The following CPAMD8 variants were observed in gnomAD, a reference collection of about 807,000 sequenced individuals.
CPAMD8 encodes the protein C3 and PZP-like alpha-2-macroglobulin domain-containing protein 8.
A neutral mutation model predicts 224.7 loss-of-function variants in CPAMD8; 146 were observed. The observed-to-expected ratio is 0.65, with a 90% CI of 0.57 to 0.75. The LOEUF is 0.75. Among genes scored for constraint, CPAMD8 ranks in the 30% least tolerant of loss-of-function variants. The pLI is 0.00. For synonymous variants in CPAMD8, 966 were observed against 1,044.6 expected, an observed-to-expected ratio of 0.92 and a Z score of 1.45; for missense variants, 2,301 against 2,537.5, an observed-to-expected ratio of 0.91 and a Z score of 2.00.
chr19:16,904,242 C>T lies in CPAMD8; in HGVS notation c.4235G>A (p.Gly1412Asp). ...WLSQQRNALG[G>D]FSSTQDTCVA... The stretch of plus-strand genomic sequence containing the variant: ...CCGGCTCGCCTGAGTGGAGGAGAAG[C>T]CCCCAAGTGCATTTCGCTGCTGGGA... Residue 1412 changes from glycine to aspartate, a missense_variant, in exon 32 of 42, where the codon GGC (glycine) becomes GAC (aspartate). This residue lies in a region of CPAMD8 where 1,709 missense variants were observed against 1,753.2 expected (regional missense o/e 0.97). Transcript: ENST00000443236. 6.7e-7 allele frequency: 1 copy of T among 1,500,444 alleles called. No homozygotes were observed. The highest frequency in any genetic ancestry group is 9.0e-7 in the Non-Finnish European group (1 of 1,108,478). The allele number at this position is 1,500,444 out of a possible 1,614,324, so 92.9% of individuals were successfully genotyped here. A position where few individuals can be genotyped will look rare whatever the true frequency, so the allele number is the denominator to read the frequency against.
chr19:16,943,622 C>T (rs79118495), intron 22 of CPAMD8, among the ~76,000 whole-genome samples: 2 of 152,170 alleles, frequency 1.3e-5, no homozygotes. Flanking sequence ...AATTGCATTT[C>T]ATTGACCCAC....
chr19:16,971,201 G>GT (rs2055051643), intron 17 of CPAMD8, 168 bp from the exon 18 acceptor site: 3 of 598,148 alleles, frequency 5.0e-6, no homozygotes, highest in Non-Finnish European at 8.4e-6. Flanking sequence ...GTTTTGTTTT[G>GT]TTTGTTTGTT....
intron 19 of CPAMD8, among the ~76,000 whole-genome samples, chr19:16,956,220 T>A (rs1473808045): frequency 3.3e-5 from 5 of 152,128 alleles, no homozygotes; most frequent in African/African-American, 1.2e-4. Flanking sequence ...TTCCATCTCA[T>A]TTCAACCATG....
chr19:17,008,240 C>T (rs961448384), intron 7 of CPAMD8, among the ~76,000 whole-genome samples: 1 of 152,146 alleles, frequency 6.6e-6, no homozygotes, highest in Non-Finnish European at 1.5e-5. Context: ...AGCAGGAGCC[C>T]CGCCTGAGTC....
At chr19:17,018,721 CA>C (rs2056875957) in intron 3 of CPAMD8, among the ~76,000 whole-genome samples, 2 of 95,978 alleles carry the variant, frequency 2.1e-5, no homozygotes, top group African/African-American at 3.4e-5. Context: ...TAAAAATACA[CA>C]CACACACACA....
chr19:17,012,546 A>T (rs1455822888), intron 3 of CPAMD8, among the ~76,000 whole-genome samples: 1 of 148,814 alleles, frequency 6.7e-6, no homozygotes, highest in Non-Finnish European at 1.5e-5. Flanking sequence ...ACAAGGTCTC[A>T]CTCTATTGCC....
intron 22 of CPAMD8, among the ~76,000 whole-genome samples, chr19:16,940,240 C>T (rs2053841975): frequency 6.6e-6 from 1 of 152,188 alleles, no homozygotes; most frequent in African/African-American, 2.4e-5. Context: ...CAGAGGGCAG[C>T]TTGTAAACTT....
intron 22 of CPAMD8, among the ~76,000 whole-genome samples, chr19:16,941,735 G>T (rs2053897632): frequency 6.6e-6 from 1 of 152,204 alleles, no homozygotes. Flanking sequence ...AGCACTTTGG[G>T]AGGCCGAGGT....
At chr19:17,022,271 G>T in intron 1 of CPAMD8, 90 bp from the exon 2 acceptor site, 1 of 1,443,570 alleles carries the variant, frequency 6.9e-7, no homozygotes, top group Non-Finnish European at 9.4e-7. Flanking sequence ...CCTCGCAGCA[G>T]ACTCCTGCCT....
At chr19:16,948,196 C>T (rs1459400378) in intron 20 of CPAMD8, among the ~76,000 whole-genome samples, 1 of 152,108 alleles carries the variant, frequency 6.6e-6, no homozygotes, top group East Asian at 1.9e-4. Context: ...TACTGGGTGC[C>T]CCGCTAGGAA....
At position 16,899,988 on chromosome 19, in the gene CPAMD8, C is replaced by T. The variant is rs1255497552; in HGVS notation, c.4774-439G>A. 6.6e-6 allele frequency among the ~76,000 whole-genome samples: 1 copy of T among 151,966 alleles called. No homozygotes were observed. Among genetic ancestry groups the T allele is most frequent in the Non-Finnish European group, 1.5e-5 (1 of 67,984 alleles). On this transcript the variant is annotated intron_variant, in intron 36 of 41. Coordinates refer to ENST00000443236, the MANE Select transcript of CPAMD8 (RefSeq NM_015692.5). This position sits in a 1 kb window ranked among gnomAD's most constrained non-coding sequence, Gnocchi z 5.4. ...ACCACATCCTCATCCCCTGGTGCTC[C>T]GTGCAGCCTCCTTGGAGGGGAGGTG...
chr19:16,990,863 C>CAAAAAAAAAAAAAAAAAAAAAA lies in CPAMD8; in HGVS notation c.1267-1114_1267-1093dup, dbSNP rs3067791. Reference sequence around the variant, plus strand: ...GGGCAATAAGAGCAAAACTCTGTCTCAAAAAAAAAAAAAAAAAAAAAAAAA... The same window carrying CAAAAAAAAAAAAAAAAAAAAAA: ...GGGCAATAAGAGCAAAACTCTGTCTCAAAAAAAAAAAAAAAAAAAAAAAAAAAAAAAAAAAAAAAAAAAAAAA... On this transcript the variant is annotated intron_variant, in intron 12 of 41. Transcript: ENST00000443236. 1.2e-4 allele frequency among the ~76,000 whole-genome samples: 9 copies of CAAAAAAAAAAAAAAAAAAAAAA among 73,140 alleles called. 1 individual carries two copies. The highest frequency in any genetic ancestry group is 3.6e-4 in the African/African-American group (6 of 16,598). 48.0% of individuals were successfully genotyped at this position (73,140 alleles called of 152,430 possible).
chr19:16,893,317 G>C lies in CPAMD8; in HGVS notation c.5449C>G (p.Pro1817Ala), dbSNP rs1368375860. Residue 1817 changes from proline (P) to alanine (A), a missense_variant, in exon 42 of 42, where the codon CCT becomes GCT. Around this residue, in one of 4 missense-constraint regions of CPAMD8, gnomAD observed 1,709 missense variants for 1,753.2 expected, o/e 0.97. Coordinates refer to ENST00000443236, the MANE Select transcript of CPAMD8 (RefSeq NM_015692.5). ...EDRVTAGPRP[P>A]VSSGNLESST... is the part of the protein sequence containing the mutation. ...CTTTCCAGGTTCCCGCTGCTCACAG[G>C]AGGCCGAGGCCCGGCTGTGACCCTG... is the stretch of plus-strand genomic sequence containing the variant. The C allele has an allele frequency of 6.5e-7, 1 of 1,539,818 alleles. No homozygotes were observed. The highest frequency in any genetic ancestry group is 1.4e-5 in the African/African-American group (1 of 73,054).
At chr19:16,949,779 C>A (rs1422322350) in intron 20 of CPAMD8, among the ~76,000 whole-genome samples, 1 of 152,158 alleles carries the variant, frequency 6.6e-6, no homozygotes, top group East Asian at 1.9e-4. Context: ...GAATGCCCTT[C>A]CCGCCCCGAT....
chr19:16,991,179 C>T (rs747961097), intron 12 of CPAMD8, among the ~76,000 whole-genome samples: 3 of 152,156 alleles, frequency 2.0e-5, no homozygotes, highest in Non-Finnish European at 4.4e-5. Context: ...GATTACATAT[C>T]CTGGTTCTGT....
intron 19 of CPAMD8, among the ~76,000 whole-genome samples, chr19:16,953,340 A>C (rs1167454823): frequency 1.2e-5 from 1 of 85,728 alleles, no homozygotes; most frequent in Non-Finnish European, 2.7e-5. Context: ...AGGTACAAGC[A>C]AAAAAAAAAA....
chr19:16,901,919 G>A (rs1312182448), intron 35 of CPAMD8, among the ~76,000 whole-genome samples: 2 of 152,160 alleles, frequency 1.3e-5, no homozygotes, highest in Admixed American at 6.5e-5. Flanking sequence ...CATTCGGGCT[G>A]AGAGTCAAGG....
At chr19:17,004,711 C>T (rs935929384) in intron 7 of CPAMD8, among the ~76,000 whole-genome samples, 1 of 152,108 alleles carries the variant, frequency 6.6e-6, no homozygotes, top group Non-Finnish European at 1.5e-5. Context: ...TCATTCACTC[C>T]ATCCCCCGCC....
intron 12 of CPAMD8, among the ~76,000 whole-genome samples, chr19:16,990,115 G>T (rs61456166): frequency 0.015 from 2,208 of 152,088 alleles, 39 homozygotes; most frequent in African/African-American, 0.051. Flanking sequence ...TTAGCCAGGA[G>T]TAGTGGCGCA....
Sources: allele counts gnomAD v4.1 joint callset (sites outside exome capture counted in the v4.1 genomes callset), GRCh38; gene constraint gnomAD v4.1.1; regional missense constraint gnomAD v4.1.1; non-coding constraint Gnocchi (gnomAD v3.1); transcripts MANE v1.5; gene names NCBI Gene and HGNC (gene_info 2026-07-23, HGNC 2026-07-21).